WDR20: variants seen among roughly 807,000 people sequenced by gnomAD.
WDR20 encodes the protein WD repeat domain 20, also known as WD repeat-containing protein 20.
WDR20 carries 3 observed loss-of-function variants against 38.7 expected under a neutral mutation model. That is an observed-to-expected ratio of 0.08 (90% CI 0.04 to 0.20). WDR20 has a LOEUF of 0.20. WDR20 is among the 10% of genes least tolerant of loss of function. The probability of loss-of-function intolerance (pLI) is 1.00; values close to 1 mark genes in which losing one functional copy is unlikely to be tolerated. For missense variants in WDR20, 559 were observed against 727.7 expected (o/e 0.77, Z 2.67); for synonymous variants, 298 against 285.6 (o/e 1.04, Z -0.44).
chr14:102,140,832 C>T (rs968579408), intron 1 of WDR20, among the ~76,000 whole-genome samples: 1 of 152,172 alleles, frequency 6.6e-6, no homozygotes. Context: ...TCATCTTGTC[C>T]CTTGTAGTAT....
intron 1 of WDR20, among the ~76,000 whole-genome samples, chr14:102,148,588 G>T (rs900252729): frequency 6.6e-6 from 1 of 151,612 alleles, no homozygotes; most frequent in Non-Finnish European, 1.5e-5. Context: ...ATTTATTGAT[G>T]ACTGGTATAT....
chr14:102,213,816 A>G, downstream of WDR20: 2 of 985,416 alleles, frequency 2.0e-6, no homozygotes. Flanking sequence ...AGCGAGCTCA[A>G]AGTGTGAGGC....
chr14:102,194,545 T>A (rs2059096142), intron 1 of WDR20, among the ~76,000 whole-genome samples: 1 of 152,240 alleles, frequency 6.6e-6, no homozygotes, highest in African/African-American at 2.4e-5. Flanking sequence ...CCAGTGGGCA[T>A]GTAGGTGCTG....
At chr14:102,173,931 C>T (rs2061522369) in intron 1 of WDR20, among the ~76,000 whole-genome samples, 1 of 151,708 alleles carries the variant, frequency 6.6e-6, no homozygotes, top group Non-Finnish European at 1.5e-5. Context: ...GTAGTCTCAG[C>T]TACTCGGGAG....
intron 2 of WDR20, among the ~76,000 whole-genome samples, chr14:102,205,793 A>G (rs568140237): frequency 1.3e-5 from 2 of 150,410 alleles, no homozygotes; most frequent in Admixed American, 6.6e-5. Flanking sequence ...ATACAGGTGG[A>G]TCCAAGGTCG....
At chr14:102,219,021 C>A (rs148084835), downstream of WDR20, among the ~76,000 whole-genome samples, 1 of 152,296 alleles carries the variant, frequency 6.6e-6, no homozygotes, top group South Asian at 2.1e-4. Context: ...GAAGAGCAGG[C>A]GGATTGGGGC....
At chr14:102,149,320 T>G (rs111690092) in intron 1 of WDR20, among the ~76,000 whole-genome samples, 1,862 of 152,134 alleles carry the variant, frequency 0.012, 16 homozygotes, top group Middle Eastern at 0.041. Context: ...TGTGAGCCAT[T>G]GTTCCCGGCT....
At chr14:102,175,464 A>G (rs1330539324) in intron 1 of WDR20, among the ~76,000 whole-genome samples, 1 of 152,216 alleles carries the variant, frequency 6.6e-6, no homozygotes, top group Non-Finnish European at 1.5e-5. Flanking sequence ...CATATAGTAT[A>G]GTGTGAAGCC....
chr14:102,212,473 C>T, downstream of WDR20: 1 of 1,531,992 alleles, frequency 6.5e-7, no homozygotes, highest in Non-Finnish European at 8.7e-7. Flanking sequence ...GGCGACACCA[C>T]TCTGTGTCCA....
At chr14:102,176,350 G>A (rs1232657051) in intron 1 of WDR20, among the ~76,000 whole-genome samples, 1 of 151,236 alleles carries the variant, frequency 6.6e-6, no homozygotes, top group Admixed American at 6.6e-5. Context: ...AGCCAAGATC[G>A]CGCCACTGTA....
chr14:102,202,037 G>T (rs74082256), intron 2 of WDR20, among the ~76,000 whole-genome samples: 2,528 of 151,934 alleles, frequency 0.017, 77 homozygotes, highest in African/African-American at 0.059. Context: ...CTGGCCCAGG[G>T]AGCAGGTCTC....
At chr14:102,223,560 A>T (rs1364664401) in exon 4 of WDR20, 1 of 152,620 alleles carries the variant, frequency 6.6e-6, no homozygotes, top group East Asian at 1.9e-4. Flanking sequence ...TATTATATGT[A>T]TAAATATTGT....
chr14:102,193,259 C>T (rs933116038), intron 1 of WDR20, among the ~76,000 whole-genome samples: 3 of 152,056 alleles, frequency 2.0e-5, no homozygotes, highest in African/African-American at 4.8e-5. Flanking sequence ...ACAGCCTGTC[C>T]GTGGCCATCG....
intron 1 of WDR20, among the ~76,000 whole-genome samples, chr14:102,159,856 C>T (rs2058252486): frequency 6.7e-6 from 1 of 150,030 alleles, no homozygotes; most frequent in Non-Finnish European, 1.5e-5. Flanking sequence ...AACCTTGATC[C>T]AGTTTTGGGA....
chr14:102,212,776 A>G, downstream of WDR20: 1 of 1,346,744 alleles, frequency 7.4e-7, no homozygotes, highest in South Asian at 2.0e-5. Flanking sequence ...TGGGGAAAAT[A>G]TTTGTAGTTT....
downstream of WDR20, among the ~76,000 whole-genome samples, chr14:102,218,844 C>A (rs1013214300): frequency 2.0e-5 from 3 of 152,382 alleles, no homozygotes; most frequent in African/African-American, 7.2e-5. Flanking sequence ...GAATTGCCAG[C>A]TGTCCTGCTT....
rs1193456475 is a variant in WDR20, at chr14:102,142,774, C to CTGTTT, written c.249+2603_249+2604insGTTTT. Among the ~76,000 whole-genome samples, 103 of 85,014 alleles carry CTGTTT rather than the reference C, an allele frequency of 1.2e-3. 1 individual carries two copies. The highest frequency in any genetic ancestry group is 4.2e-3 in the African/African-American group (97 of 23,174). 55.8% of individuals were successfully genotyped at this position (85,014 alleles called of 152,430 possible). A position where few individuals can be genotyped will look rare whatever the true frequency, so the allele number is the denominator to read the frequency against. On this transcript the variant is annotated intron_variant, in intron 1 of 2. Transcript: ENST00000342702. ...CCCAGCGCACAGTTGGCTGTTTTGA[C>CTGTTT]TTTTTTTTTTTTTTTTTTTTTTTGG...
chr14:102,213,983 T>C, downstream of WDR20: 1 of 985,488 alleles, frequency 1.0e-6, no homozygotes, highest in Non-Finnish European at 1.2e-6. Context: ...GGCGTCCAGC[T>C]TTGTGGGTGA....
chr14:102,198,533 A>T, intron 2 of WDR20: 1 of 155,726 alleles, frequency 6.4e-6, no homozygotes, highest in Middle Eastern at 5.5e-4. Flanking sequence ...CTGGAGATGG[A>T]GCTTTCCTGC....
Sources: gnomAD v4.1 joint callset for allele counts (sites outside exome capture counted in the v4.1 genomes callset) on GRCh38, gnomAD v4.1.1 for gene constraint, MANE v1.5 for transcripts, NCBI Gene and HGNC (gene_info 2026-07-23, HGNC 2026-07-21) for gene names.